The following CEP85L variants were observed in gnomAD, a reference collection of about 807,000 sequenced individuals.
The protein encoded by CEP85L is centrosomal protein of 85 kDa-like.
In CEP85L, 60 loss-of-function variants were observed where a neutral mutation model predicts 100.3. The observed-to-expected ratio is 0.60, with a 90% confidence interval of 0.49 to 0.74. The LOEUF (loss-of-function observed/expected upper bound fraction) is 0.74, where lower values mean the gene tolerates loss of function less well. CEP85L is among the 30% of genes least tolerant of loss of function. CEP85L has a pLI of 0.00. For synonymous variants in CEP85L, 319 were observed against 322.7 expected, an observed-to-expected ratio of 0.99 and a Z score of 0.12; for missense variants, 973 against 936.2, an observed-to-expected ratio of 1.04 and a Z score of -0.51.
chr6:118,464,679 AAC>A lies in CEP85L; in HGVS notation c.*724_*725del, dbSNP rs1181464548. ...TTCAAGTTATGTTAACCTTTCTTGT[AAC>A]ACATACATTACAATGCTAAGGAAAA... On this transcript the variant is annotated 3_prime_UTR_variant, in exon 13 of 13. Coordinates refer to ENST00000368491, the MANE Select transcript of CEP85L (RefSeq NM_001042475.3). 2 of 152,060 alleles carry A rather than the reference AAC, an allele frequency of 1.3e-5. No individual in the cohort carries two copies. Among genetic ancestry groups the A allele is most frequent in the African/African-American group, 4.8e-5 (2 of 41,396 alleles). The allele number at this position is 152,060 out of a possible 1,614,324, so 9.4% of individuals were successfully genotyped here.
At chr6:118,704,764 C>A (rs991212561) in intron 1 of CEP85L, among the ~76,000 whole-genome samples, 1 of 152,202 alleles carries the variant, frequency 6.6e-6, no homozygotes, top group Non-Finnish European at 1.5e-5. Context: ...AGCCACCACG[C>A]CTGGCCAAAA....
intron 3 of CEP85L, 187 bp downstream of exon 3, chr6:118,565,342 A>C: frequency 3.3e-6 from 2 of 608,860 alleles, no homozygotes; most frequent in Non-Finnish European, 5.7e-6. Flanking sequence ...TTTCATGTTA[A>C]TTAGTCTCAA....
chr6:118,511,808 T>C (rs1196634680), intron 4 of CEP85L, among the ~76,000 whole-genome samples: 2 of 152,212 alleles, frequency 1.3e-5, no homozygotes, highest in African/African-American at 4.8e-5. Flanking sequence ...GTAAGTTGTA[T>C]GTTTCAGGTT....
intron 5 of CEP85L, among the ~76,000 whole-genome samples, chr6:118,508,857 A>G (rs746906258): frequency 1.3e-5 from 2 of 152,076 alleles, no homozygotes; most frequent in Non-Finnish European, 2.9e-5. Flanking sequence ...AAAAAATTAC[A>G]TCATTCAAAG....
chr6:118,609,444 C>T (rs751621118), intron 2 of CEP85L, among the ~76,000 whole-genome samples: 29 of 152,024 alleles, frequency 1.9e-4, no homozygotes, highest in Non-Finnish European at 3.2e-4. Flanking sequence ...AGAAGAAATA[C>T]ATAATAGTAG....
At chr6:118,536,897 C>T (rs1777626936) in intron 3 of CEP85L, among the ~76,000 whole-genome samples, 1 of 152,122 alleles carries the variant, frequency 6.6e-6, no homozygotes, top group Non-Finnish European at 1.5e-5. Context: ...CCTTTAGTAA[C>T]ACATTTTTTC....
chr6:118,650,630 G>C (rs367733468), intron 1 of CEP85L, among the ~76,000 whole-genome samples: 6 of 152,154 alleles, frequency 3.9e-5, no homozygotes, highest in Admixed American at 2.6e-4. Context: ...AGTTCCCTTG[G>C]GGGTGGCTGA....
intron 5 of CEP85L, among the ~76,000 whole-genome samples, chr6:118,510,015 C>T (rs558385323): frequency 6.6e-6 from 1 of 152,176 alleles, no homozygotes; most frequent in Middle Eastern, 3.4e-3. Flanking sequence ...GGCGTAGACA[C>T]TGTCTTACCT....
intron 3 of CEP85L, among the ~76,000 whole-genome samples, chr6:118,533,221 T>G (rs1049626823): frequency 2.0e-5 from 3 of 151,928 alleles, no homozygotes; most frequent in Admixed American, 6.6e-5. Context: ...TCAATAAAAT[T>G]TATAAACCAT....
intron 3 of CEP85L, among the ~76,000 whole-genome samples, chr6:118,550,219 G>A (rs1209414650): frequency 1.3e-5 from 2 of 151,702 alleles, no homozygotes; most frequent in Non-Finnish European, 3.0e-5. Flanking sequence ...ATTTTAGTAG[G>A]CATAAAGGAA....
intron 2 of CEP85L, among the ~76,000 whole-genome samples, chr6:118,617,807 A>G (rs1773166681): frequency 6.6e-6 from 1 of 152,130 alleles, no homozygotes; most frequent in Admixed American, 6.5e-5. Flanking sequence ...CATCTTAGTG[A>G]GCCAGCCAGG....
chr6:118,575,451 T>G (rs2115047026), intron 2 of CEP85L, among the ~76,000 whole-genome samples: 1 of 152,312 alleles, frequency 6.6e-6, no homozygotes, highest in East Asian at 1.9e-4. Flanking sequence ...GGAAATAAAC[T>G]ATGCCCTGTG....
At chr6:118,673,581 T>G (rs554875200) in intron 1 of CEP85L, among the ~76,000 whole-genome samples, 8 of 152,038 alleles carry the variant, frequency 5.3e-5, no homozygotes, top group Non-Finnish European at 1.0e-4. Flanking sequence ...AATGGTGAGG[T>G]CTGTGGGCCC....
intron 1 of CEP85L, among the ~76,000 whole-genome samples, chr6:118,689,244 C>G (rs1288490880): frequency 3.9e-5 from 6 of 152,106 alleles, no homozygotes; most frequent in Non-Finnish European, 7.4e-5. Context: ...AATAATTGTT[C>G]AAATTTAAGC....
chr6:118,543,714 G>A (rs1387896786), intron 3 of CEP85L, among the ~76,000 whole-genome samples: 3 of 152,164 alleles, frequency 2.0e-5, no homozygotes, highest in South Asian at 2.1e-4. Flanking sequence ...TTGTCAAATC[G>A]TTATGGTAGG....
chr6:118,513,407 C>T (rs2114727015), intron 4 of CEP85L, among the ~76,000 whole-genome samples: 1 of 152,104 alleles, frequency 6.6e-6, no homozygotes, highest in Non-Finnish European at 1.5e-5. Context: ...AGACAAGGTA[C>T]ATCTAAATCA....
chr6:118,597,321 C>T (rs1022177226), intron 2 of CEP85L, among the ~76,000 whole-genome samples: 1 of 152,176 alleles, frequency 6.6e-6, no homozygotes, highest in Non-Finnish European at 1.5e-5. Context: ...ATGCCTTAAA[C>T]TCAGGATTCT....
rs757656069 is a variant in CEP85L at position 118,565,820 on chromosome 6, A to T, written c.729T>A (p.Ser243=). 2 of 1,614,138 alleles carry T rather than the reference A, an allele frequency of 1.2e-6. No homozygotes were observed. The highest frequency in any genetic ancestry group is 2.2e-5 in the East Asian group (1 of 44,890). Reference sequence around the variant, plus strand: ...CAGGCTGTCTCCTAAGAGTAGAGGAAGAGGCTCTAAAGTCCTCCTTGCTAC... The same window carrying T: ...CAGGCTGTCTCCTAAGAGTAGAGGATGAGGCTCTAAAGTCCTCCTTGCTAC... ...ESCSKEDFRA[S]SSTLRRQPVD... The change falls in exon 3 of 13, where the codon TCT becomes TCA. Residue 243 remains serine (S), a synonymous_variant. Coordinates refer to ENST00000368491, the MANE Select transcript of CEP85L (RefSeq NM_001042475.3).
intron 3 of CEP85L, among the ~76,000 whole-genome samples, chr6:118,556,990 T>A (rs1393338996): frequency 6.6e-6 from 1 of 152,172 alleles, no homozygotes; most frequent in African/African-American, 2.4e-5. Flanking sequence ...AAAGAAGGCA[T>A]GATGGAAACT....
Sources: gnomAD v4.1 joint callset for allele counts (sites outside exome capture counted in the v4.1 genomes callset) on GRCh38, gnomAD v4.1.1 for gene constraint, MANE v1.5 for transcripts, NCBI Gene and HGNC (gene_info 2026-07-23, HGNC 2026-07-21) for gene names.